Variants in FMNL3 observed in about 807,000 individuals in gnomAD.
The protein encoded by FMNL3 is formin like 3.
Under a neutral mutation model 119.6 loss-of-function variants are expected in FMNL3, and 57 were observed. The ratio of observed to expected loss-of-function variants is 0.48; its 90% CI spans 0.39 to 0.59. The LOEUF (loss-of-function observed/expected upper bound fraction) is 0.59. Ranked by LOEUF, FMNL3 falls within the 20% of genes least tolerant of loss-of-function variation. The pLI, the probability that FMNL3 is intolerant of heterozygous loss-of-function variation, is 0.00. For synonymous variants in FMNL3, 491 were observed against 507.3 expected (o/e 0.97, Z 0.43); for missense variants, 1,053 against 1,323.5 (o/e 0.80, Z 3.17).
intron 1 of FMNL3, among the ~76,000 whole-genome samples, chr12:49,699,257 C>A (rs1398818227): frequency 6.6e-6 from 1 of 152,240 alleles, no homozygotes; most frequent in Admixed American, 6.5e-5. Flanking sequence ...ACTTCTGGGG[C>A]ACATACTTTG....
Position 49,643,746 on chromosome 12 carries a change from C to G in FMNL3, c.*2069G>C, listed in dbSNP as rs116569197. 12 of 1,614,162 alleles carry G rather than the reference C, an allele frequency of 7.4e-6. No homozygotes were observed. In the East Asian group the frequency reaches 2.2e-4, roughly 30 times the overall value. On this transcript the variant is annotated 3_prime_UTR_variant, in exon 26 of 26. Coordinates refer to ENST00000335154, the MANE Select transcript of FMNL3 (RefSeq NM_175736.5). ...AAAAGAAAACTAAGAAGAGAAGACA[C>G]AAGTCGGTGAGTGAAGGAACTTCTA...
intron 1 of FMNL3, among the ~76,000 whole-genome samples, chr12:49,678,151 C>G (rs555947257): frequency 1.3e-5 from 2 of 151,130 alleles, no homozygotes; most frequent in Non-Finnish European, 2.9e-5. Flanking sequence ...CGTGAGCCAC[C>G]GTGCCCGGCC....
chr12:49,648,439 C>T, intron 21 of FMNL3, 86 bp from the exon 22 acceptor site: 1 of 1,431,038 alleles, frequency 7.0e-7, no homozygotes, highest in Non-Finnish European at 9.4e-7. Context: ...TCTGGCCCTC[C>T]CCCTCAGCAT....
chr12:49,702,353 A>G (rs1424094525), intron 1 of FMNL3, among the ~76,000 whole-genome samples: 1 of 152,222 alleles, frequency 6.6e-6, no homozygotes, highest in East Asian at 1.9e-4. Flanking sequence ...ATAAAACTCT[A>G]TGCAGAGAAA....
In FMNL3 at chr12:49,642,111, T is replaced by C. The variant is rs979932292; in HGVS notation, c.*3704A>G. 5 of 1,602,568 alleles carry C rather than the reference T, an allele frequency of 3.1e-6. No individual in the cohort carries two copies. The highest frequency in any genetic ancestry group is 4.3e-6 in the Non-Finnish European group (5 of 1,171,842). On this transcript the variant is annotated 3_prime_UTR_variant, in exon 26 of 26. Transcript: ENST00000335154. This position sits in a 1 kb window ranked among gnomAD's most constrained non-coding sequence, Gnocchi z 5.8. ...CTCACTCACTGTCCCACTGACTATA[T>C]TCCCAATTCAGGGGATGGTGGTAGA...
intron 1 of FMNL3, among the ~76,000 whole-genome samples, chr12:49,700,987 G>A (rs868498323): frequency 3.7e-4 from 54 of 146,846 alleles, no homozygotes; most frequent in Non-Finnish European, 7.3e-4. Flanking sequence ...GCTGAGGCAG[G>A]AGAATTGCTT....
rs554772728 is a variant in FMNL3, at chr12:49,645,233, C to T, written c.*582G>A. The T allele has an allele frequency of 6.6e-6, 1 of 151,834 alleles. No individual in the cohort carries two copies. Among genetic ancestry groups the T allele is most frequent in the Non-Finnish European group, 1.5e-5 (1 of 68,058 alleles). The allele number at this position is 151,834 out of a possible 1,614,324, so 9.4% of individuals were successfully genotyped here. ...ACCTCTGCTCTTCTGCCCACCTTGA[C>T]AAGGACAGTGTGAGCCTAGAATGAA... On this transcript the variant is annotated 3_prime_UTR_variant, in exon 26 of 26. Transcript: ENST00000335154.
intron 1 of FMNL3, among the ~76,000 whole-genome samples, chr12:49,686,917 G>A (rs1373200290): frequency 6.6e-6 from 1 of 152,138 alleles, no homozygotes; most frequent in Non-Finnish European, 1.5e-5. Context: ...TGGACCCCCA[G>A]ATGAGTACTG....
Position 49,656,486 on chromosome 12 carries a change from A to T in FMNL3, c.803T>A (p.Leu268His). The change falls in exon 9 of 26, where the codon CTT (leucine) becomes CAT (histidine). Residue 268 changes from leucine (L) to histidine (H), a missense_variant. Transcript: ENST00000335154. ...CACAGCTGCCAGAAGCTCTAAGACA[A>T]GGGCTTTGGTCCTAAGGGGTGAAGA... Reference protein sequence around the residue: ...LNNKNPRTKALVLELLAAVCL... With the variant: ...LNNKNPRTKAHVLELLAAVCL... 1 of 1,613,996 alleles carries T rather than the reference A, an allele frequency of 6.2e-7. No homozygotes were observed. Among genetic ancestry groups the T allele is most frequent in the Non-Finnish European group, 8.5e-7 (1 of 1,179,918 alleles).
intron 1 of FMNL3, among the ~76,000 whole-genome samples, chr12:49,697,422 G>A (rs1944779996): frequency 6.6e-6 from 1 of 152,308 alleles, no homozygotes. Flanking sequence ...GTACAGATAA[G>A]TGGAAGGCAA....
chr12:49,637,317 C>T lies in FMNL3; in HGVS notation c.*8498G>A. On this transcript the variant is annotated 3_prime_UTR_variant, in exon 26 of 26. Coordinates refer to ENST00000335154, the MANE Select transcript of FMNL3 (RefSeq NM_175736.5). ...CTCTTTTTGCATTGTTCTCAGCCTT[C>T]CATCTGCATCTCTTCATCTCTGCCT... 1 of 618,656 alleles carries T rather than the reference C, an allele frequency of 1.6e-6. No homozygotes were observed. The highest frequency in any genetic ancestry group is 2.7e-5 in the Admixed American group (1 of 36,926). The allele number at this position is 618,656 out of a possible 1,614,324, so 38.3% of individuals were successfully genotyped here.
chr12:49,691,102 T>G (rs1361674387), intron 1 of FMNL3, among the ~76,000 whole-genome samples: 1 of 152,210 alleles, frequency 6.6e-6, no homozygotes, highest in Non-Finnish European at 1.5e-5. Context: ...AATCCCAACT[T>G]TGCCACCTAC....
intron 10 of FMNL3, among the ~76,000 whole-genome samples, 176 bp downstream of exon 10, chr12:49,654,734 C>G (rs1943517226): frequency 6.6e-6 from 1 of 151,998 alleles, no homozygotes; most frequent in African/African-American, 2.4e-5. Flanking sequence ...CAAATGATAT[C>G]CTGAAGTTTC....
At position 49,645,663 on chromosome 12, in the gene FMNL3, T is replaced by C. The variant is rs554735959; in HGVS notation, c.*152A>G. On this transcript the variant is annotated 3_prime_UTR_variant, in exon 26 of 26. Transcript: ENST00000335154. ...GGACCTACAGACCTAGTGCCCATAG[T>C]GGCACAAGTAGAAAGATCCAGCCTC... 3.7e-5 allele frequency: 23 copies of C among 626,014 alleles called. No homozygotes were observed. The South Asian group carries it at 4.2e-4, about 11-fold the overall frequency. 38.8% of individuals were successfully genotyped at this position (626,014 alleles called of 1,614,324 possible).
At position 49,641,934 on chromosome 12, in the gene FMNL3, C is replaced by A. The variant is rs926005426; in HGVS notation, c.*3881G>T. The A allele has an allele frequency of 6.2e-7, 1 of 1,613,570 alleles. No homozygotes were observed. Among genetic ancestry groups the A allele is most frequent in the African/African-American group, 1.3e-5 (1 of 74,924 alleles). On this transcript the variant is annotated 3_prime_UTR_variant, in exon 26 of 26. Coordinates refer to ENST00000335154, the MANE Select transcript of FMNL3 (RefSeq NM_175736.5). ...ACCGGGGCTTCTGCGTGGAGGTGAA[C>A]ACGGCCTTTGAGGACTTCGCCCACG...
Position 49,646,942 on chromosome 12 carries a change from T to C in FMNL3, c.2939A>G (p.Lys980Arg). 1.9e-6 allele frequency: 3 copies of C among 1,614,122 alleles called. No homozygotes were observed. Among genetic ancestry groups the C allele is most frequent in the Non-Finnish European group, 2.5e-6 (3 of 1,179,994 alleles). The change falls in exon 25 of 26, where the codon AAG becomes AGG. Residue 980 changes from lysine (K) to arginine (R), a missense_variant. Coordinates refer to ENST00000335154, the MANE Select transcript of FMNL3 (RefSeq NM_175736.5). The stretch of plus-strand genomic sequence containing the variant: ...CCCCTCATAAACAGGCCGGTGTTCC[T>C]TGGCCTGGCGCCGCCTCAACTCTGC... ...LIAELRRRQA[K>R]EHRPVYEGKD...
chr12:49,674,895 G>A (rs1316230915), intron 1 of FMNL3, among the ~76,000 whole-genome samples: 6 of 152,220 alleles, frequency 3.9e-5, no homozygotes, highest in Admixed American at 6.5e-5. Flanking sequence ...GTTGAGCTCT[G>A]CAGTTCACAC....
At chr12:49,646,639 C>T in intron 25 of FMNL3, 1 of 1,522,058 alleles carries the variant, frequency 6.6e-7, no homozygotes, top group Non-Finnish European at 8.8e-7. Flanking sequence ...TGCCCAGTAC[C>T]TGTCGGGCCC....
At chr12:49,645,977 C>T in intron 25 of FMNL3, 74 bp from the exon 26 acceptor site, 1 of 1,323,198 alleles carries the variant, frequency 7.6e-7, no homozygotes, top group South Asian at 1.3e-5. Context: ...AGCAGCCCCA[C>T]AGGTAGGGCC....
Sources: allele counts gnomAD v4.1 joint callset (sites outside exome capture counted in the v4.1 genomes callset), GRCh38; gene constraint gnomAD v4.1.1; non-coding constraint Gnocchi (gnomAD v3.1); transcripts MANE v1.5; gene names NCBI Gene and HGNC (gene_info 2026-07-23, HGNC 2026-07-21).